The following DICER1 variants were observed in gnomAD, a reference collection of about 807,000 sequenced individuals.
The protein encoded by DICER1 is endoribonuclease Dicer.
In DICER1, 43 loss-of-function variants were observed where a neutral mutation model predicts 194.1. The ratio of observed to expected loss-of-function variants is 0.22; its 90% CI spans 0.17 to 0.29. The LOEUF (loss-of-function observed/expected upper bound fraction) is 0.29, where lower values mean the gene tolerates loss of function less well. DICER1 is among the 10% of genes least tolerant of loss of function. The pLI is 1.00. For missense variants in DICER1, 1,608 were observed against 2,317.0 expected (o/e 0.69, Z 6.28); for synonymous variants, 832 against 820.5 (o/e 1.01, Z -0.24).
At position 95,105,544 on chromosome 14, in the gene DICER1, T is replaced by A; in HGVS notation, c.3093+134A>T. 1 of 777,022 alleles carries A rather than the reference T, an allele frequency of 1.3e-6. No individual in the cohort carries two copies. Among genetic ancestry groups the A allele is most frequent in the Non-Finnish European group, 2.2e-6 (1 of 460,400 alleles). The allele number at this position is 777,022 out of a possible 1,614,324, so 48.1% of individuals were successfully genotyped here. A position where few individuals can be genotyped will look rare whatever the true frequency, so the allele number is the denominator to read the frequency against. ...CTAATTAAAACAAAACAAAACAAAA[T>A]TTGAGGATTAGGTAACTTCTAAAAA... is the stretch of plus-strand genomic sequence containing the variant. On this transcript the variant is annotated intron_variant, in intron 19 of 26. Coordinates refer to ENST00000343455, the MANE Select transcript of DICER1 (RefSeq NM_177438.3). This position sits in a 1 kb window ranked among gnomAD's most constrained non-coding sequence, Gnocchi z 4.9.
chr14:95,111,859 T>C (rs1377416870), intron 13 of DICER1, among the ~76,000 whole-genome samples: 2 of 151,746 alleles, frequency 1.3e-5, no homozygotes, highest in Non-Finnish European at 2.9e-5. Flanking sequence ...GAGACTGACA[T>C]ATTAAAACAC....
Position 95,086,621 on chromosome 14 carries a change from A to T in DICER1, c.*3877T>A. The T allele has an allele frequency of 4.3e-6, 1 of 233,372 alleles. No homozygotes were observed. Among genetic ancestry groups the T allele is most frequent in the Non-Finnish European group, 8.5e-6 (1 of 117,880 alleles). 14.5% of individuals were successfully genotyped at this position (233,372 alleles called of 1,614,324 possible). A position where few individuals can be genotyped will look rare whatever the true frequency, so the allele number is the denominator to read the frequency against. On this transcript the variant is annotated 3_prime_UTR_variant, in exon 27 of 27. Transcript: ENST00000343455. The stretch of plus-strand genomic sequence containing the variant: ...GACTAGAAAAAAAGAAGTAATGATT[A>T]AAATATATTTACAAGTTAGTTGTGA...
chr14:95,129,868 A>T (rs1893801823), intron 5 of DICER1, among the ~76,000 whole-genome samples, 190 bp downstream of exon 5: 1 of 152,218 alleles, frequency 6.6e-6, no homozygotes, highest in African/African-American at 2.4e-5. Context: ...AATTATATAG[A>T]ATTTATTATG....
At position 95,124,294 on chromosome 14, in the gene DICER1, T is replaced by C. The variant is rs878855242; in HGVS notation, c.1278A>G (p.Glu426=). 1 of 1,614,000 alleles carries C rather than the reference T, an allele frequency of 6.2e-7. No homozygotes were observed. The highest frequency in any genetic ancestry group is 1.3e-5 in the African/African-American group (1 of 75,074). Residue 426 remains glutamate, a synonymous_variant, in exon 8 of 27, where the codon GAA becomes GAG. Transcript: ENST00000343455. The surrounding 1 kb of genome is among the most constrained non-coding windows in gnomAD (Gnocchi z 4.5). ...EDDDEDEEIE[E]KEKPETNFPS... is the part of the protein sequence containing the mutation. ...GAAAATTTGTCTCTGGCTTCTCTTT[T>C]TCTTCAATTTCTTCATCCTCATCAT... is the stretch of plus-strand genomic sequence containing the variant.
At position 95,089,290 on chromosome 14, in the gene DICER1, C is replaced by T. The variant is rs1889587173; in HGVS notation, c.*1208G>A. ...AATCACAGATGTATCAAAATTACGG[C>T]AGTTTATCGCAAACGTTAAACTTTC... On this transcript the variant is annotated 3_prime_UTR_variant, in exon 27 of 27. Coordinates refer to ENST00000343455, the MANE Select transcript of DICER1 (RefSeq NM_177438.3). The T allele has an allele frequency of 4.3e-6, 1 of 232,594 alleles. No homozygotes were observed. Among genetic ancestry groups the T allele is most frequent in the African/African-American group, 2.2e-5 (1 of 45,232 alleles). 14.4% of individuals were successfully genotyped at this position (232,594 alleles called of 1,614,324 possible).
At chr14:95,156,614 G>A (rs149365339) in intron 1 of DICER1, among the ~76,000 whole-genome samples, 1 of 152,236 alleles carries the variant, frequency 6.6e-6, no homozygotes, top group Non-Finnish European at 1.5e-5. Context: ...CTGAAGAAAG[G>A]GTCCTCCGCA....
At chr14:95,120,499 A>G (rs1280293424) in intron 8 of DICER1, among the ~76,000 whole-genome samples, 1 of 152,244 alleles carries the variant, frequency 6.6e-6, no homozygotes, top group Non-Finnish European at 1.5e-5. Context: ...TGGGCAGAAA[A>G]GAAACCAAGT....
At position 95,103,619 on chromosome 14, in the gene DICER1, G is replaced by C. The variant is rs770390974; in HGVS notation, c.3777C>G (p.Ala1259=). 3.1e-6 allele frequency: 5 copies of C among 1,614,032 alleles called. No individual in the cohort carries two copies. Among genetic ancestry groups the C allele is most frequent in the Non-Finnish European group, 4.2e-6 (5 of 1,180,040 alleles). The part of the protein sequence containing the change: ...KSTSDGSPVM[A]VMPGTTDTIQ... ...TAGTGTCTGTCGTACCAGGCATTACGGCCATCACAGGACTTCCATCTGAGG... is the reference window on the plus strand; with the variant it reads ...TAGTGTCTGTCGTACCAGGCATTACCGCCATCACAGGACTTCCATCTGAGG... Residue 1259 remains alanine (A), a synonymous_variant, in exon 21 of 27, where the codon GCC becomes GCG. Coordinates refer to ENST00000343455, the MANE Select transcript of DICER1 (RefSeq NM_177438.3).
chr14:95,091,410 T>C (rs775961946), intron 24 of DICER1, 45 bp from the exon 25 acceptor site: 6 of 1,564,758 alleles, frequency 3.8e-6, no homozygotes, highest in Non-Finnish European at 5.3e-6. Flanking sequence ...AGGCCACTTT[T>C]ACAGGCAGTC....
chr14:95,103,486 A>T lies in DICER1; in HGVS notation c.3910T>A (p.Ser1304Thr), dbSNP rs2139956489. Residue 1304 changes from serine to threonine, a missense_variant, in exon 21 of 27, where the codon TCA becomes ACA. By Grantham distance (58) the Ser-to-Thr change is moderately conservative. Around this residue, in one of 10 missense-constraint regions of DICER1, gnomAD observed 58 missense variants for 125.7 expected, o/e 0.46. Coordinates refer to ENST00000343455, the MANE Select transcript of DICER1 (RefSeq NM_177438.3). ...AGGTTAAATCCATCACTAGCGTTTG[A>T]CAGAGTCAAAGCCTGAAGAATAAGT... ...PGLILQALTLSNASDGFNLER... is the reference protein window; with the variant it reads ...PGLILQALTLTNASDGFNLER... The T allele has an allele frequency of 6.2e-7, 1 of 1,614,196 alleles. No homozygotes were observed. The highest frequency in any genetic ancestry group is 8.5e-7 in the Non-Finnish European group (1 of 1,180,036).
In DICER1 at chr14:95,124,405, T is replaced by C. The variant is rs1414327980; in HGVS notation, c.1167A>G (p.Pro389=). 6.2e-7 allele frequency: 1 copy of C among 1,614,184 alleles called. No homozygotes were observed. The highest frequency in any genetic ancestry group is 8.5e-7 in the Non-Finnish European group (1 of 1,179,998). ...CGCTTTCAAACTGCTGTCGCTCATATGGTTTATATTTGCGTAAGATTTCGA... is the reference window on the plus strand; with the variant it reads ...CGCTTTCAAACTGCTGTCGCTCATACGGTTTATATTTGCGTAAGATTTCGA... ...KLLEILRKYK[P]YERQQFESVE... The change falls in exon 8 of 27, where the codon CCA becomes CCG. Residue 389 remains proline (P), a synonymous_variant. Coordinates refer to ENST00000343455, the MANE Select transcript of DICER1 (RefSeq NM_177438.3). The surrounding 1 kb of genome is among the most constrained non-coding windows in gnomAD (Gnocchi z 4.5).
chr14:95,116,070 C>G (rs1595408782), intron 10 of DICER1, among the ~76,000 whole-genome samples: 1 of 151,792 alleles, frequency 6.6e-6, no homozygotes, highest in African/African-American at 2.4e-5. Context: ...CACACACACA[C>G]ACACACACAC....
In DICER1 at chr14:95,103,364, T is replaced by C. The variant is rs952651460; in HGVS notation, c.4032A>G (p.Ser1344=). ...TYPDAHEGRL[S]YMRSKKVSNC... is the part of the protein sequence containing the mutation. Reference sequence around the variant, plus strand: ...CTCTTACCTTTTTGCTTCTCATATATGAAAGGCGGCCCTCATGCGCATCAG... The same window carrying C: ...CTCTTACCTTTTTGCTTCTCATATACGAAAGGCGGCCCTCATGCGCATCAG... Residue 1344 remains serine (S), a synonymous_variant, in exon 21 of 27, where the codon TCA becomes TCG. Coordinates refer to ENST00000343455, the MANE Select transcript of DICER1 (RefSeq NM_177438.3). The C allele has an allele frequency of 5.6e-6, 9 of 1,614,106 alleles. 1 individual carries two copies. The highest frequency in any genetic ancestry group is 2.7e-5 in the African/African-American group (2 of 74,938).
In DICER1 at chr14:95,096,304, G is replaced by A. The variant is rs747901058; in HGVS notation, c.4616C>T (p.Thr1539Met). 3.8e-5 allele frequency: 62 copies of A among 1,614,050 alleles called. No homozygotes were observed. Among genetic ancestry groups the A allele is most frequent in the African/African-American group, 1.2e-4 (9 of 74,904 alleles). ...NPSEENCGVD[T>M]GKQSISYDLH... is the part of the protein sequence containing the mutation. ...GTCGTAAGAAATGGACTGCTTTCCCGTGTCAACACCACAGTTTTCTTCTGA... is the reference window on the plus strand; with the variant it reads ...GTCGTAAGAAATGGACTGCTTTCCCATGTCAACACCACAGTTTTCTTCTGA... Residue 1539 changes from threonine (T) to methionine (M), a missense_variant, in exon 23 of 27, where the codon ACG (threonine) becomes ATG (methionine). Thr to Met is a moderately conservative substitution (Grantham distance 81, BLOSUM62 -1). Transcript: ENST00000343455.
intron 11 of DICER1, 150 bp downstream of exon 11, chr14:95,115,517 G>GA: frequency 1.1e-6 from 1 of 875,436 alleles, no homozygotes; most frequent in East Asian, 2.4e-5. Flanking sequence ...AAAAAAAAAT[G>GA]AAAAAAGAAG....
At chr14:95,132,434 TAAGA>T in intron 3 of DICER1, 77 bp downstream of exon 3, 3 of 1,452,490 alleles carry the variant, frequency 2.1e-6, no homozygotes, top group Non-Finnish European at 2.9e-6. Context: ...TAATTTAACT[TAAGA>T]AACACAGAAA....
In DICER1 at chr14:95,112,099, G is replaced by T; in HGVS notation, c.2116+73C>A. The T allele has an allele frequency of 5.4e-6, 7 of 1,305,112 alleles. No homozygotes were observed. In the South Asian group the frequency reaches 8.3e-5, roughly 15 times the overall value. 80.8% of individuals were successfully genotyped at this position (1,305,112 alleles called of 1,614,324 possible). ...TACAAAATCCTTACAGATCTATAAA[G>T]TCCTCTATATGCTTTTTTTTTACAA... On this transcript the variant is annotated intron_variant, in intron 13 of 26. Coordinates refer to ENST00000343455, the MANE Select transcript of DICER1 (RefSeq NM_177438.3).
chr14:95,134,245 C>T (rs1468134457), intron 1 of DICER1: 2 of 152,148 alleles, frequency 1.3e-5, no homozygotes, highest in Non-Finnish European at 2.9e-5. Flanking sequence ...TGACACCACT[C>T]TGTGAAATAA....
At chr14:95,141,943 T>C (rs1894849421) in intron 1 of DICER1, among the ~76,000 whole-genome samples, 1 of 152,192 alleles carries the variant, frequency 6.6e-6, no homozygotes, top group Non-Finnish European at 1.5e-5. Context: ...AACTTGTTAG[T>C]ACAATCCAAT....
Sources: allele counts gnomAD v4.1 joint callset (sites outside exome capture counted in the v4.1 genomes callset), GRCh38; gene constraint gnomAD v4.1.1; regional missense constraint gnomAD v4.1.1; non-coding constraint Gnocchi (gnomAD v3.1); transcripts MANE v1.5; gene names NCBI Gene and HGNC (gene_info 2026-07-23, HGNC 2026-07-21).